The following PTPRR variants were observed in gnomAD, a reference collection of about 807,000 sequenced individuals.
PTPRR encodes the protein receptor-type tyrosine-protein phosphatase R.
Under a neutral mutation model 77.2 loss-of-function variants are expected in PTPRR, and 38 were observed. That is an observed-to-expected ratio of 0.49 (90% CI 0.38 to 0.65). The LOEUF (loss-of-function observed/expected upper bound fraction) is 0.65, where lower values mean the gene tolerates loss of function less well. Ranked by LOEUF, PTPRR falls within the 30% of genes least tolerant of loss-of-function variation. PTPRR has a pLI of 0.00. For missense variants in PTPRR, 744 were observed against 799.2 expected (o/e 0.93, Z 0.83); for synonymous variants, 299 against 283.1 (o/e 1.06, Z -0.57).
At chr12:70,720,562 A>G (rs1381317876) in intron 6 of PTPRR, among the ~76,000 whole-genome samples, 1 of 140,220 alleles carries the variant, frequency 7.1e-6, no homozygotes, top group Non-Finnish European at 1.5e-5. Context: ...CCCAGGCTGG[A>G]GTGCAGTTGC....
At chr12:70,730,374 G>A (rs552925436) in intron 6 of PTPRR, among the ~76,000 whole-genome samples, 2 of 152,252 alleles carry the variant, frequency 1.3e-5, no homozygotes, top group African/African-American at 2.4e-5. Context: ...AGCCGGGCAT[G>A]GTGACGGGCA....
At chr12:70,743,037 G>A in intron 6 of PTPRR, among the ~76,000 whole-genome samples, 1 of 152,134 alleles carries the variant, frequency 6.6e-6, no homozygotes, top group Non-Finnish European at 1.5e-5. Flanking sequence ...AAGGTAGATT[G>A]AGCTAAAGGT....
chr12:70,757,246 T>C (rs913709259), intron 4 of PTPRR, among the ~76,000 whole-genome samples: 1 of 152,340 alleles, frequency 6.6e-6, no homozygotes, highest in East Asian at 1.9e-4. Flanking sequence ...AGTTAGCACA[T>C]TGGACTTTTA....
At chr12:70,839,169 A>G (rs1234987699) in intron 2 of PTPRR, among the ~76,000 whole-genome samples, 2 of 152,178 alleles carry the variant, frequency 1.3e-5, no homozygotes, top group Admixed American at 1.3e-4. Flanking sequence ...GCTGCTAGAA[A>G]GACAACATGG....
intron 2 of PTPRR, among the ~76,000 whole-genome samples, chr12:70,831,412 C>T (rs1298314469): frequency 6.6e-6 from 1 of 152,138 alleles, no homozygotes; most frequent in Non-Finnish European, 1.5e-5. Flanking sequence ...CTCAGTTAAG[C>T]TCTTCAAATA....
chr12:70,749,304 C>A (rs144793886), intron 5 of PTPRR, among the ~76,000 whole-genome samples: 2 of 152,232 alleles, frequency 1.3e-5, no homozygotes, highest in East Asian at 3.9e-4. Context: ...CCATATCCAC[C>A]CATTGCATGT....
At chr12:70,770,262 T>C (rs1890939255) in intron 2 of PTPRR, among the ~76,000 whole-genome samples, 2 of 151,606 alleles carry the variant, frequency 1.3e-5, no homozygotes, top group Non-Finnish European at 2.9e-5. Flanking sequence ...CCTACTCATC[T>C]GACAAAGGGC....
intron 1 of PTPRR, among the ~76,000 whole-genome samples, chr12:70,903,076 A>G (rs1430277155): frequency 1.3e-5 from 2 of 151,860 alleles, no homozygotes; most frequent in African/African-American, 4.8e-5. Context: ...TAGAGAGTAG[A>G]AAGATGGTTA....
At chr12:70,759,701 A>C (rs998590496) in intron 4 of PTPRR, among the ~76,000 whole-genome samples, 11 of 150,546 alleles carry the variant, frequency 7.3e-5, no homozygotes, top group East Asian at 3.9e-4. Flanking sequence ...AAAAAAAAAA[A>C]AAAAACAAAC....
At chr12:70,888,018 A>ATGTGTGTGTGTGTC (rs111265856) in intron 2 of PTPRR, among the ~76,000 whole-genome samples, 100,376 of 150,876 alleles carry the variant, frequency 0.67, 34,278 homozygotes, top group African/African-American at 0.83. Flanking sequence ...GAATGTGTGT[A>ATGTGTGTGTGTGTC]TGTGTGTGTG....
chr12:70,780,589 GTACATA>G (rs1425965513), intron 2 of PTPRR, among the ~76,000 whole-genome samples: 2 of 151,982 alleles, frequency 1.3e-5, no homozygotes, highest in East Asian at 3.9e-4. Flanking sequence ...ATCATATAAT[GTACATA>G]TGCATATATG....
intron 2 of PTPRR, among the ~76,000 whole-genome samples, chr12:70,816,439 A>G (rs1891903769): frequency 6.6e-6 from 1 of 152,142 alleles, no homozygotes; most frequent in African/African-American, 2.4e-5. Context: ...GCCCAAGGAA[A>G]GCATGGTGCA....
chr12:70,861,086 C>T (rs548478307), intron 2 of PTPRR, among the ~76,000 whole-genome samples: 41 of 152,128 alleles, frequency 2.7e-4, no homozygotes, highest in Admixed American at 2.4e-3. Context: ...CGTAAAAATG[C>T]TCAATAAGTA....
intron 6 of PTPRR, among the ~76,000 whole-genome samples, chr12:70,731,180 A>C (rs1889649517): frequency 6.6e-6 from 1 of 152,138 alleles, no homozygotes; most frequent in Admixed American, 6.5e-5. Context: ...AAAGTGAAAT[A>C]AACAACTCTC....
intron 4 of PTPRR, chr12:70,754,626 G>A (rs1890513448): frequency 6.3e-7 from 1 of 1,597,818 alleles, no homozygotes; most frequent in Non-Finnish European, 8.5e-7. Context: ...TCTGTGTGGA[G>A]GAAATTGTTT....
chr12:70,792,443 T>C (rs1375412253), intron 2 of PTPRR, among the ~76,000 whole-genome samples: 2 of 152,190 alleles, frequency 1.3e-5, no homozygotes, highest in East Asian at 1.9e-4. Flanking sequence ...CTTAGTATGG[T>C]TGTCTCTTGG....
intron 1 of PTPRR, among the ~76,000 whole-genome samples, chr12:70,910,622 A>C (rs1220438172): frequency 6.6e-6 from 1 of 152,182 alleles, no homozygotes; most frequent in African/African-American, 2.4e-5. Flanking sequence ...GTTACAAATA[A>C]CATGATAAAA....
chr12:70,719,441 A>G (rs1224754585), intron 6 of PTPRR, among the ~76,000 whole-genome samples: 1 of 152,022 alleles, frequency 6.6e-6, no homozygotes, highest in East Asian at 1.9e-4. Flanking sequence ...TTTTCAATCC[A>G]AATCCTAATG....
At chr12:70,744,900 G>A (rs759828473) in intron 6 of PTPRR, among the ~76,000 whole-genome samples, 10 of 152,032 alleles carry the variant, frequency 6.6e-5, no homozygotes, top group Admixed American at 3.3e-4. Context: ...CCATGGGAAA[G>A]CTTTACTTAA....
Sources: gnomAD v4.1 joint callset for allele counts (sites outside exome capture counted in the v4.1 genomes callset) on GRCh38, gnomAD v4.1.1 for gene constraint, MANE v1.5 for transcripts, NCBI Gene and HGNC (gene_info 2026-07-23, HGNC 2026-07-21) for gene names.